The following CUX1 variants were observed in gnomAD, a reference collection of about 807,000 sequenced individuals.
CUX1 encodes the protein protein CASP.
Under a neutral mutation model 158.8 loss-of-function variants are expected in CUX1, and 31 were observed. The observed-to-expected ratio is 0.20, with a 90% confidence interval of 0.15 to 0.26. CUX1 has a LOEUF of 0.26. CUX1 is among the 10% of genes least tolerant of loss of function. The pLI is 1.00. For synonymous variants in CUX1, 879 were observed against 862.1 expected (o/e 1.02, Z -0.34); for missense variants, 1,589 against 2,014.6 (o/e 0.79, Z 4.04).
Position 102,227,683 on chromosome 7 carries a change from T to C in CUX1, c.3433+14T>C, listed in dbSNP as rs202170818. ...ACAACAACCTCGGTAGGTTCTCCTC[T>C]CGGCTGCTGAGTCAGGAGGTGGCAG... On this transcript the variant is annotated intron_variant, in intron 21 of 23. Coordinates refer to ENST00000292535, the MANE Select transcript of CUX1 (RefSeq NM_181552.4). 1.3e-6 allele frequency: 2 copies of C among 1,598,382 alleles called. No homozygotes were observed. The highest frequency in any genetic ancestry group is 1.7e-6 in the Non-Finnish European group (2 of 1,170,096).
At chr7:101,868,972 A>G (rs760051806) in intron 1 of CUX1, among the ~76,000 whole-genome samples, 3 of 152,178 alleles carry the variant, frequency 2.0e-5, no homozygotes, top group African/African-American at 7.2e-5. Context: ...AGGCCCCTGG[A>G]TGCCAGCAGA....
At chr7:102,151,845 C>T (rs1480081138) in intron 8 of CUX1, among the ~76,000 whole-genome samples, 1 of 151,352 alleles carries the variant, frequency 6.6e-6, no homozygotes, top group Non-Finnish European at 1.5e-5. Context: ...CTTCCAAAGC[C>T]CCCGATCGCA....
chr7:101,841,315 G>C (rs1260232312), intron 1 of CUX1, among the ~76,000 whole-genome samples: 1 of 150,438 alleles, frequency 6.6e-6, no homozygotes, highest in African/African-American at 2.4e-5. Context: ...AATCTGTTTT[G>C]AACTCTAGCT....
At chr7:102,099,942 C>T (rs367560565) in intron 5 of CUX1, among the ~76,000 whole-genome samples, 41 of 152,088 alleles carry the variant, frequency 2.7e-4, no homozygotes, top group African/African-American at 8.9e-4. Context: ...CTCATCCACA[C>T]TCAGGAGTGG....
At chr7:102,068,259 AT>A (rs1292932903) in intron 3 of CUX1, among the ~76,000 whole-genome samples, 1 of 151,346 alleles carries the variant, frequency 6.6e-6, no homozygotes, top group African/African-American at 2.4e-5. Flanking sequence ...CGCCCAGCTA[AT>A]TTTTTTGTTT....
At chr7:101,953,524 G>A (rs1809365318) in intron 2 of CUX1, among the ~76,000 whole-genome samples, 2 of 152,130 alleles carry the variant, frequency 1.3e-5, no homozygotes, top group South Asian at 4.1e-4. Flanking sequence ...CAGGGGAGAG[G>A]AGCCACTTCT....
At chr7:102,008,767 T>TA (rs1423946255) in intron 2 of CUX1, among the ~76,000 whole-genome samples, 1 of 152,122 alleles carries the variant, frequency 6.6e-6, no homozygotes, top group Non-Finnish European at 1.5e-5. Flanking sequence ...ACTGCCTACT[T>TA]ACGATGAACA....
chr7:102,061,417 A>C (rs1193387570), intron 3 of CUX1, among the ~76,000 whole-genome samples: 1 of 152,142 alleles, frequency 6.6e-6, no homozygotes, highest in African/African-American at 2.4e-5. Context: ...GGTCCAAGTA[A>C]CTTGGTGGGT....
intron 11 of CUX1, among the ~76,000 whole-genome samples, chr7:102,187,640 G>A (rs1207453799): frequency 2.0e-5 from 3 of 151,092 alleles, no homozygotes; most frequent in Admixed American, 6.6e-5. Context: ...GTTTATGCAC[G>A]CTAAATTTAG....
At chr7:102,198,683 G>A (rs1399880100) in intron 15 of CUX1, 119 bp from the exon 16 acceptor site, 2 of 844,766 alleles carry the variant, frequency 2.4e-6, no homozygotes, top group Admixed American at 4.2e-5. Flanking sequence ...GAGTTGCACA[G>A]GCAGCCCTGA....
chr7:102,267,593 A>G (rs1790904066), intron 14 of CUX1, among the ~76,000 whole-genome samples: 2 of 152,186 alleles, frequency 1.3e-5, no homozygotes, highest in African/African-American at 4.8e-5. Flanking sequence ...CCGTAGGTAC[A>G]ACACCGCTGG....
chr7:102,198,279 A>T (rs1028291178), intron 15 of CUX1, among the ~76,000 whole-genome samples: 1 of 152,158 alleles, frequency 6.6e-6, no homozygotes, highest in African/African-American at 2.4e-5. Flanking sequence ...AACAAAAAAG[A>T]AAGTTCCTTT....
rs372080912 is a variant in CUX1, at chr7:102,178,670, C to T, written c.1017+13C>T. On this transcript the variant is annotated intron_variant, in intron 11 of 23. Coordinates refer to ENST00000292535, the MANE Select transcript of CUX1 (RefSeq NM_181552.4). ...CAGCACACTCAAAGTAAGGGGGCTG[C>T]GGGGCCCGGGGGTGGCCCGAGGAGG... 2.4e-4 allele frequency: 388 copies of T among 1,596,092 alleles called. 3 individuals are homozygous for T. The South Asian group carries it at 2.7e-3, about 11-fold the overall frequency.
intron 2 of CUX1, among the ~76,000 whole-genome samples, chr7:101,972,503 A>G (rs1305789016): frequency 2.0e-5 from 3 of 152,226 alleles, no homozygotes; most frequent in East Asian, 1.9e-4. Context: ...TGGATCCCGC[A>G]TCGAAAACAG....
At chr7:102,170,951 A>G (rs1791648791) in intron 10 of CUX1, among the ~76,000 whole-genome samples, 1 of 149,424 alleles carries the variant, frequency 6.7e-6, no homozygotes, top group Admixed American at 6.6e-5. Context: ...AAGATGAGGA[A>G]CAGTTCAGGA....
chr7:102,260,219 C>T (rs1358377176), downstream of CUX1, among the ~76,000 whole-genome samples: 1 of 151,116 alleles, frequency 6.6e-6, no homozygotes, highest in African/African-American at 2.4e-5. Flanking sequence ...ATCTCAGCCT[C>T]CCAAGTAGCT....
intron 2 of CUX1, among the ~76,000 whole-genome samples, chr7:101,983,033 A>G (rs1200183913): frequency 2.8e-5 from 1 of 36,344 alleles, no homozygotes; most frequent in African/African-American, 4.8e-5. Flanking sequence ...AGCACTAGTC[A>G]TTCATTCATT....
chr7:102,186,959 G>A (rs1333996042), intron 11 of CUX1: 2 of 152,214 alleles, frequency 1.3e-5, no homozygotes, highest in African/African-American at 4.8e-5. Context: ...TTGAACCTGG[G>A]AGGCAGAGGT....
chr7:101,964,176 A>C (rs1159705117), intron 2 of CUX1, among the ~76,000 whole-genome samples: 1 of 151,988 alleles, frequency 6.6e-6, no homozygotes, highest in African/African-American at 2.4e-5. Context: ...ACATGGTGAA[A>C]CCACGTCTCT....
Sources: gnomAD v4.1 joint callset for allele counts (sites outside exome capture counted in the v4.1 genomes callset) on GRCh38, gnomAD v4.1.1 for gene constraint, MANE v1.5 for transcripts, NCBI Gene and HGNC (gene_info 2026-07-23, HGNC 2026-07-21) for gene names.